Variants in DPP6 observed in about 807,000 individuals in gnomAD.
DPP6 encodes the protein dipeptidyl peptidase like 6, also known as A-type potassium channel modulatory protein DPP6.
DPP6 carries 69 observed loss-of-function variants against 122.6 expected under a neutral mutation model. The ratio of observed to expected loss-of-function variants is 0.56; its 90% CI spans 0.46 to 0.69. The LOEUF is 0.69. Ranked by LOEUF, DPP6 falls within the 30% of genes least tolerant of loss-of-function variation. The pLI, the probability that DPP6 is intolerant of heterozygous loss-of-function variation, is 0.00. For missense variants in DPP6, 928 were observed against 1,116.9 expected, an observed-to-expected ratio of 0.83 and a Z score of 2.41; for synonymous variants, 418 against 433.1, an observed-to-expected ratio of 0.97 and a Z score of 0.43.
chr7:154,226,473 T>A (rs1800609824), intron 1 of DPP6, among the ~76,000 whole-genome samples: 1 of 152,208 alleles, frequency 6.6e-6, no homozygotes, highest in Non-Finnish European at 1.5e-5. Flanking sequence ...CCCATCACTG[T>A]CAAGGGATTA....
chr7:154,875,062 T>TG lies in DPP6; in HGVS notation c.1884-843dup, dbSNP rs1025815688. On this transcript the variant is annotated intron_variant, in intron 19 of 25. Coordinates refer to ENST00000377770, the MANE Select transcript of DPP6 (RefSeq NM_130797.4). This position sits in a 1 kb window ranked among gnomAD's most constrained non-coding sequence, Gnocchi z 4.5. Reference sequence around the variant, plus strand: ...CTGCAGTGAACCAAGATTGTGCCACTGCACTCCAGCCTGGCCGACAGAGTG... The same window carrying TG: ...CTGCAGTGAACCAAGATTGTGCCACTGGCACTCCAGCCTGGCCGACAGAGTG... Among the ~76,000 whole-genome samples the TG allele has an allele frequency of 2.0e-5, 3 of 149,826 alleles. No individual in the cohort carries two copies. Among genetic ancestry groups the TG allele is most frequent in the African/African-American group, 7.4e-5 (3 of 40,464 alleles).
intron 1 of DPP6, among the ~76,000 whole-genome samples, chr7:154,154,840 T>G (rs900930761): frequency 1.3e-5 from 2 of 152,210 alleles, no homozygotes; most frequent in Non-Finnish European, 2.9e-5. Flanking sequence ...TGAAGGAGTG[T>G]CGAGCTCACG....
At chr7:154,422,821 G>A (rs1275703957) in intron 1 of DPP6, among the ~76,000 whole-genome samples, 1 of 152,122 alleles carries the variant, frequency 6.6e-6, no homozygotes, top group Non-Finnish European at 1.5e-5. Flanking sequence ...ATAGAGTATC[G>A]GCCAGGCAAC....
the DPP6 span, among the ~76,000 whole-genome samples, chr7:153,831,523 G>C: frequency 6.6e-6 from 1 of 152,170 alleles, no homozygotes; most frequent in African/African-American, 2.4e-5. Flanking sequence ...ACACATAGTT[G>C]ACGATTTTGG....
At chr7:154,647,894 T>C (rs1671910380) in intron 6 of DPP6, among the ~76,000 whole-genome samples, 1 of 151,898 alleles carries the variant, frequency 6.6e-6, no homozygotes, top group South Asian at 2.1e-4. Flanking sequence ...CCCATGGGTG[T>C]CTCCCTGGGT....
At chr7:154,683,911 C>T (rs1228045499) in intron 7 of DPP6, among the ~76,000 whole-genome samples, 1 of 152,190 alleles carries the variant, frequency 6.6e-6, no homozygotes, top group African/African-American at 2.4e-5. Flanking sequence ...CTCTATCACC[C>T]AGGCTGGAAT....
At chr7:154,205,362 C>A (rs1799386643) in intron 1 of DPP6, among the ~76,000 whole-genome samples, 1 of 152,196 alleles carries the variant, frequency 6.6e-6, no homozygotes. Flanking sequence ...CCATCCAGAA[C>A]CCTGACAACC....
intron 19 of DPP6, among the ~76,000 whole-genome samples, chr7:154,874,051 A>ACACATCCACACC (rs148611640): frequency 6.6e-6 from 1 of 151,538 alleles, no homozygotes; most frequent in Admixed American, 6.6e-5. Flanking sequence ...CACATGCAGC[A>ACACATCCACACC]CATATGCACA....
chr7:154,544,070 A>G (rs1402714392), intron 4 of DPP6, among the ~76,000 whole-genome samples: 3 of 148,364 alleles, frequency 2.0e-5, no homozygotes, highest in Non-Finnish European at 3.0e-5. Context: ...ATGGTTCACA[A>G]TTTGGGGGGC....
At chr7:153,928,134 C>G (rs893231838) in intron 1 of DPP6, among the ~76,000 whole-genome samples, 10 of 151,826 alleles carry the variant, frequency 6.6e-5, no homozygotes, top group Non-Finnish European at 1.2e-4. Context: ...ATTTATTTCT[C>G]ACAGTTCTGG....
intron 1 of DPP6, among the ~76,000 whole-genome samples, chr7:153,897,757 T>G (rs915687472): frequency 1.3e-5 from 2 of 152,208 alleles, no homozygotes; most frequent in East Asian, 3.9e-4. Flanking sequence ...CTTCCACAAA[T>G]TTCTTCCTAT....
intron 5 of DPP6, among the ~76,000 whole-genome samples, chr7:154,576,899 C>A (rs1333719960): frequency 6.6e-6 from 1 of 152,004 alleles, no homozygotes; most frequent in Non-Finnish European, 1.5e-5. Flanking sequence ...AAGAGTGAAG[C>A]CAAGAGGAGC....
chr7:154,234,523 G>C (rs544436894), intron 1 of DPP6, among the ~76,000 whole-genome samples: 1 of 152,148 alleles, frequency 6.6e-6, no homozygotes, highest in Admixed American at 6.5e-5. Flanking sequence ...CTTATTTCTG[G>C]GTTTGGATCC....
intron 1 of DPP6, among the ~76,000 whole-genome samples, chr7:153,973,240 T>A (rs1219734129): frequency 6.6e-6 from 1 of 152,212 alleles, no homozygotes; most frequent in African/African-American, 2.4e-5. Context: ...CTCACTCTCC[T>A]TGGCTTTTCT....
At chr7:154,259,721 A>G (rs1340437209) in intron 1 of DPP6, among the ~76,000 whole-genome samples, 1 of 152,248 alleles carries the variant, frequency 6.6e-6, no homozygotes, top group African/African-American at 2.4e-5. Context: ...AATATTTTAC[A>G]GAATTGCTGT....
the DPP6 span, among the ~76,000 whole-genome samples, chr7:153,827,955 C>T: frequency 1.3e-5 from 2 of 152,162 alleles, no homozygotes; most frequent in South Asian, 2.1e-4. Flanking sequence ...CACTGATGCT[C>T]GGAGATAACG....
intron 1 of DPP6, among the ~76,000 whole-genome samples, chr7:154,081,873 A>G (rs1804037099): frequency 6.6e-6 from 1 of 152,252 alleles, no homozygotes; most frequent in South Asian, 2.1e-4. Context: ...TCCTGTGGCA[A>G]CTGAGTGTAT....
chr7:154,889,620 G>T, intron 25 of DPP6, 90 bp downstream of exon 25: 1 of 1,536,976 alleles, frequency 6.5e-7, no homozygotes, highest in Non-Finnish European at 8.8e-7. Flanking sequence ...GCCTTCTACT[G>T]CAGCAGACAC....
At chr7:153,887,592 TTCAGCCAGTCC>T in exon 1 of DPP6, 1 of 1,495,740 alleles carries the variant, frequency 6.7e-7, no homozygotes, top group Non-Finnish European at 9.2e-7. Context: ...CCATCCAGTC[TTCAGCCAGTCC>T]AGTCTACTTT....
Sources: allele counts gnomAD v4.1 joint callset (sites outside exome capture counted in the v4.1 genomes callset), GRCh38; gene constraint gnomAD v4.1.1; non-coding constraint Gnocchi (gnomAD v3.1); transcripts MANE v1.5; gene names NCBI Gene and HGNC (gene_info 2026-07-23, HGNC 2026-07-21).